Variants in OTOA observed in about 807,000 individuals in gnomAD.
The protein encoded by OTOA is cancer/testis antigen 108.
Under a neutral mutation model 110.8 loss-of-function variants are expected in OTOA, and 70 were observed. The observed-to-expected ratio is 0.63, with a 90% CI of 0.52 to 0.77. The LOEUF (loss-of-function observed/expected upper bound fraction) is 0.77, where lower values mean the gene tolerates loss of function less well. OTOA is among the 30% of genes least tolerant of loss of function. The pLI is 0.00. For missense variants in OTOA, 917 were observed against 1,075.8 expected (o/e 0.85, Z 2.06); for synonymous variants, 373 against 431.5 (o/e 0.86, Z 1.68).
chr16:21,725,737 G>C (rs1898894184), intron 18 of OTOA, among the ~76,000 whole-genome samples: 1 of 152,218 alleles, frequency 6.6e-6, no homozygotes, highest in African/African-American at 2.4e-5. Context: ...GTGGGGTTGA[G>C]TAGGCCGGAT....
intron 8 of OTOA, among the ~76,000 whole-genome samples, chr16:21,690,568 C>T (rs1897809829): frequency 6.6e-6 from 1 of 151,924 alleles, no homozygotes; most frequent in African/African-American, 2.4e-5. Flanking sequence ...TATATATGTA[C>T]CACATTTTCT....
intron 7 of OTOA, among the ~76,000 whole-genome samples, chr16:21,687,001 T>C (rs1309751708): frequency 6.6e-6 from 1 of 152,070 alleles, no homozygotes; most frequent in Non-Finnish European, 1.5e-5. Context: ...TAATGCATTA[T>C]AGAGTTTGGT....
intron 10 of OTOA, 53 bp from the exon 11 acceptor site, chr16:21,700,835 C>A: frequency 6.2e-7 from 1 of 1,611,746 alleles, no homozygotes; most frequent in Non-Finnish European, 8.5e-7. Context: ...TGGGGCCACA[C>A]TGGGCCACTT....
At chr16:21,744,246 T>C (rs1161257411) in intron 23 of OTOA, among the ~76,000 whole-genome samples, 1 of 151,810 alleles carries the variant, frequency 6.6e-6, no homozygotes, top group Non-Finnish European at 1.5e-5. Context: ...TGCAAGTGAG[T>C]CTTGTGCCTC....
At chr16:21,721,274 C>CACACACAT in intron 17 of OTOA, 1 of 450,422 alleles carries the variant, frequency 2.2e-6, no homozygotes. Context: ...CACACACACA[C>CACACACAT]ACACAAACAA....
chr16:21,735,971 T>C (rs1406123562), intron 21 of OTOA, among the ~76,000 whole-genome samples: 1 of 152,228 alleles, frequency 6.6e-6, no homozygotes, highest in African/African-American at 2.4e-5. Flanking sequence ...GAAAAATGAA[T>C]GTGCCCAGCA....
chr16:21,705,446 T>G, intron 12 of OTOA, 154 bp downstream of exon 12: 2 of 1,139,146 alleles, frequency 1.8e-6, no homozygotes, highest in Non-Finnish European at 2.5e-6. Flanking sequence ...AATACTGAGG[T>G]AAGTGTAACA....
chr16:21,713,165 A>G (rs974952458), intron 13 of OTOA, among the ~76,000 whole-genome samples: 3 of 152,112 alleles, frequency 2.0e-5, no homozygotes, highest in East Asian at 1.9e-4. Flanking sequence ...GGATTTTGCA[A>G]TGTTGCCCAG....
chr16:21,715,265 GTT>G, intron 14 of OTOA, 113 bp downstream of exon 14: 1 of 1,432,664 alleles, frequency 7.0e-7, no homozygotes, highest in Non-Finnish European at 9.8e-7. Flanking sequence ...TGTCTCAGCT[GTT>G]GGTGTCTGGG....
intron 13 of OTOA, among the ~76,000 whole-genome samples, chr16:21,714,600 C>A (rs1898491793): frequency 6.6e-6 from 1 of 151,818 alleles, no homozygotes; most frequent in Non-Finnish European, 1.5e-5. Context: ...CAACCTCTGC[C>A]TCCTGGGTTC....
intron 24 of OTOA, chr16:21,747,410 GA>G (rs1361801236): frequency 2.7e-5 from 3 of 110,394 alleles, no homozygotes; most frequent in African/African-American, 8.6e-5. Flanking sequence ...AAGAGGATAT[GA>G]AAACCTAACA....
Position 21,678,523 on chromosome 16 carries a change from G to C in OTOA, c.9G>C (p.Gln3His). ...AAATTAACTACAGGAGAATGTCTCA[G>C]GAACCTACGACATACTCCCTTTTCC... Reference protein sequence around the residue: MSQEPTTYSLFLF... With the variant: MSHEPTTYSLFLF... The change falls in exon 2 of 29, where the codon CAG becomes CAC. Residue 3 changes from glutamine (Q) to histidine (H), a missense_variant. By Grantham distance (24) the Gln-to-His change is conservative (BLOSUM62 0). This residue lies in a region of OTOA where 840 missense variants were observed against 910.2 expected (regional missense o/e 0.92). Transcript: ENST00000646100. 1 of 1,613,342 alleles carries C rather than the reference G, an allele frequency of 6.2e-7. No individual in the cohort carries two copies. The highest frequency in any genetic ancestry group is 8.5e-7 in the Non-Finnish European group (1 of 1,179,674).
chr16:21,709,043 A>T (rs1448257813), intron 12 of OTOA, among the ~76,000 whole-genome samples: 1 of 152,208 alleles, frequency 6.6e-6, no homozygotes, highest in Non-Finnish European at 1.5e-5. Context: ...TTATAAAGGT[A>T]TAAGAAATCT....
chr16:21,701,079 G>A (rs572234861), intron 11 of OTOA, 52 bp downstream of exon 11: 3 of 1,612,698 alleles, frequency 1.9e-6, no homozygotes, highest in East Asian at 4.5e-5. Context: ...TGTGATCTAA[G>A]CATCAGAATT....
chr16:21,757,816 C>T (rs1220230341), intron 28 of OTOA, among the ~76,000 whole-genome samples: 2 of 151,994 alleles, frequency 1.3e-5, no homozygotes. Flanking sequence ...TGGGGCTTCA[C>T]CATGTTGGCC....
At chr16:21,678,123 A>T (rs11860098) in intron 1 of OTOA, among the ~76,000 whole-genome samples, 30,886 of 151,530 alleles carry the variant, frequency 0.2, 4,750 homozygotes, top group East Asian at 0.41. Context: ...TGACCTCAAG[A>T]GATCCACCCA....
At chr16:21,687,905 C>T (rs1055397249) in intron 8 of OTOA, among the ~76,000 whole-genome samples, 1 of 151,636 alleles carries the variant, frequency 6.6e-6, no homozygotes, top group East Asian at 2.0e-4. Context: ...ATCAAGTGAT[C>T]CACCTGCCTT....
At chr16:21,690,749 A>C (rs772431712) in intron 8 of OTOA, among the ~76,000 whole-genome samples, 11 of 151,884 alleles carry the variant, frequency 7.2e-5, no homozygotes, top group African/African-American at 1.2e-4. Flanking sequence ...CTAGTTCTAG[A>C]TCTCTGAGGA....
chr16:21,700,869 G>T lies in OTOA; in HGVS notation c.841-19G>T. 4.3e-6 allele frequency: 7 copies of T among 1,613,718 alleles called. No homozygotes were observed. Among genetic ancestry groups the T allele is most frequent in the South Asian group, 1.1e-5 (1 of 91,042 alleles). Reference sequence around the variant, plus strand: ...TTCCACCCTCCTCACTGATATTCTCGTCCTTGTCCACCAACTAGATTGGGC... The same window carrying T: ...TTCCACCCTCCTCACTGATATTCTCTTCCTTGTCCACCAACTAGATTGGGC... On this transcript the variant is annotated intron_variant, in intron 10 of 28. Coordinates refer to ENST00000646100, the MANE Select transcript of OTOA (RefSeq NM_144672.4).
Sources: gnomAD v4.1 joint callset for allele counts (sites outside exome capture counted in the v4.1 genomes callset) on GRCh38, gnomAD v4.1.1 for gene constraint, gnomAD v4.1.1 regional missense constraint, MANE v1.5 for transcripts, NCBI Gene and HGNC (gene_info 2026-07-23, HGNC 2026-07-21) for gene names.